CTNNA3: variants seen among roughly 807,000 people sequenced by gnomAD.
The protein encoded by CTNNA3 is catenin alpha-3.
In CTNNA3, 76 loss-of-function variants were observed where a neutral mutation model predicts 95.7. The observed-to-expected ratio is 0.79, with a 90% CI of 0.66 to 0.96. The LOEUF (loss-of-function observed/expected upper bound fraction) is 0.96. Ranked by LOEUF, CTNNA3 falls within the 40% of genes least tolerant of loss-of-function variation. The probability of loss-of-function intolerance (pLI) is 0.00; values close to 1 mark genes in which losing one functional copy is unlikely to be tolerated. For synonymous variants in CTNNA3, 431 were observed against 374.4 expected (o/e 1.15, Z -1.74); for missense variants, 1,191 against 1,089.8 (o/e 1.09, Z -1.31).
In CTNNA3 at chr10:66,275,083, A is replaced by G. The variant is rs182393477; in HGVS notation, c.1884+5387T>C. Among the ~76,000 whole-genome samples, 272 of 151,916 alleles carry G rather than the reference A, an allele frequency of 1.8e-3. 2 individuals carry two copies. Among genetic ancestry groups the G allele is most frequent in the African/African-American group, 6.4e-3 (266 of 41,422 alleles). ...ATTTTGAGTTTCATTGTATCATTGTATTTCTCTATTGTCCATGTCTTATTT... is the reference window on the plus strand; with the variant it reads ...ATTTTGAGTTTCATTGTATCATTGTGTTTCTCTATTGTCCATGTCTTATTT... On this transcript the variant is annotated intron_variant, in intron 13 of 17. Coordinates refer to ENST00000433211, the MANE Select transcript of CTNNA3 (RefSeq NM_013266.4).
intron 5 of CTNNA3, among the ~76,000 whole-genome samples, chr10:67,375,427 G>A (rs962186600): frequency 6.6e-6 from 1 of 152,070 alleles, no homozygotes; most frequent in African/African-American, 2.4e-5. Context: ...CCAACATGGC[G>A]AAACCCTGTC....
chr10:66,126,537 C>A (rs1277137743), intron 13 of CTNNA3, among the ~76,000 whole-genome samples: 4 of 152,096 alleles, frequency 2.6e-5, no homozygotes, highest in Non-Finnish European at 5.9e-5. Context: ...TTTCTGATAC[C>A]ATTCACCAAT....
chr10:66,199,778 TATATATATATATATATATATATATA>T (rs1375734184), intron 13 of CTNNA3, among the ~76,000 whole-genome samples: 19 of 8,878 alleles, frequency 2.1e-3, no homozygotes, highest in African/African-American at 4.1e-3. Context: ...TATATATATA[TATATATATATATATATATATATATA>T]TATTTTTTTT....
At chr10:67,179,856 A>C (rs534597837) in intron 7 of CTNNA3, among the ~76,000 whole-genome samples, 1 of 152,172 alleles carries the variant, frequency 6.6e-6, no homozygotes, top group South Asian at 2.1e-4. Flanking sequence ...ACAAAAAAAC[A>C]TAACAACCTG....
intron 7 of CTNNA3, among the ~76,000 whole-genome samples, chr10:67,075,530 G>A (rs974868187): frequency 1.3e-5 from 2 of 152,252 alleles, no homozygotes; most frequent in African/African-American, 4.8e-5. Flanking sequence ...CCAACGTCAC[G>A]AGACTACATA....
At chr10:67,269,626 A>C (rs1355656196) in intron 5 of CTNNA3, among the ~76,000 whole-genome samples, 2 of 152,300 alleles carry the variant, frequency 1.3e-5, no homozygotes, top group East Asian at 3.9e-4. Flanking sequence ...AATTTCCCTT[A>C]CTTATTTCCA....
At chr10:67,234,846 A>G (rs980909458) in intron 5 of CTNNA3, among the ~76,000 whole-genome samples, 3 of 150,560 alleles carry the variant, frequency 2.0e-5, no homozygotes, top group Non-Finnish European at 4.4e-5. Flanking sequence ...TACAAAAATC[A>G]CAAGCATTCT....
At chr10:65,964,725 C>A (rs919960208) in intron 17 of CTNNA3, among the ~76,000 whole-genome samples, 2 of 151,934 alleles carry the variant, frequency 1.3e-5, no homozygotes, top group Non-Finnish European at 2.9e-5. Context: ...GTGAAAATGA[C>A]AAAAGTAAAT....
chr10:66,160,810 C>G (rs900446263), intron 13 of CTNNA3, among the ~76,000 whole-genome samples: 1 of 152,094 alleles, frequency 6.6e-6, no homozygotes, highest in Non-Finnish European at 1.5e-5. Context: ...TGTGTTCTGT[C>G]TATCTCATTT....
At chr10:67,511,875 C>T (rs1305090964) in intron 5 of CTNNA3, among the ~76,000 whole-genome samples, 1 of 152,072 alleles carries the variant, frequency 6.6e-6, no homozygotes, top group Non-Finnish European at 1.5e-5. Context: ...ATTTCAGAGC[C>T]TGATATTGGT....
chr10:66,178,456 T>C (rs1009266037), intron 13 of CTNNA3, among the ~76,000 whole-genome samples: 7 of 100,146 alleles, frequency 7.0e-5, no homozygotes, highest in East Asian at 2.9e-4. Context: ...CACACAGATA[T>C]AGAAAGAGAG....
chr10:67,731,885 T>A (rs1481559627), intron 1 of CTNNA3, among the ~76,000 whole-genome samples: 2 of 152,082 alleles, frequency 1.3e-5, no homozygotes, highest in Admixed American at 6.6e-5. Context: ...GTTTTCTTTT[T>A]TAGTAGCTGG....
intron 7 of CTNNA3, among the ~76,000 whole-genome samples, chr10:67,172,358 G>A (rs1311985511): frequency 1.3e-5 from 2 of 152,166 alleles, no homozygotes; most frequent in East Asian, 3.8e-4. Flanking sequence ...TCTTAGCACA[G>A]TGTTTATAGA....
At chr10:66,076,688 T>G (rs2080568560) in intron 14 of CTNNA3, among the ~76,000 whole-genome samples, 1 of 151,712 alleles carries the variant, frequency 6.6e-6, no homozygotes, top group Admixed American at 6.6e-5. Context: ...CAGAGTAAAT[T>G]ATCAGGTATA....
intron 15 of CTNNA3, among the ~76,000 whole-genome samples, chr10:66,021,776 T>C (rs531079013): frequency 6.6e-6 from 1 of 151,380 alleles, no homozygotes; most frequent in African/African-American, 2.4e-5. Context: ...TATTTTTAGC[T>C]TGATTGAATG....
intron 15 of CTNNA3, among the ~76,000 whole-genome samples, chr10:65,994,074 T>G (rs1160221352): frequency 7.2e-5 from 11 of 152,196 alleles, no homozygotes; most frequent in Non-Finnish European, 1.5e-5. Context: ...TCAAAGTTAT[T>G]ATTTATGTGT....
intron 12 of CTNNA3, among the ~76,000 whole-genome samples, chr10:66,346,236 T>TAG (rs2092514483): frequency 2.4e-4 from 6 of 24,972 alleles, no homozygotes; most frequent in African/African-American, 1.2e-3. Context: ...TATATATATA[T>TAG]ATATATATAT....
Position 66,379,254 on chromosome 10 carries a change from C to T in CTNNA3, c.1630G>A (p.Ala544Thr), listed in dbSNP as rs376250417. The change falls in exon 12 of 18, where the codon GCA becomes ACA. Residue 544 changes from alanine (A) to threonine (T), a missense_variant. By Grantham distance (58) the Ala-to-Thr change is moderately conservative. Transcript: ENST00000433211. ...GTGACGATGTGAGCAACTCTTGCTGCCCGGCCTCTGATAGCACCCGCAGCA... is the reference window on the plus strand; with the variant it reads ...GTGACGATGTGAGCAACTCTTGCTGTCCGGCCTCTGATAGCACCCGCAGCA... The part of the protein sequence containing the change: ...DRAAGAIRGR[A>T]ARVAHIVTGE... The T allele has an allele frequency of 3.1e-6, 5 of 1,613,996 alleles. No individual in the cohort carries two copies. In the Admixed American group the frequency reaches 8.3e-5, roughly 27 times the overall value.
At chr10:66,934,962 A>T (rs1354973551) in intron 7 of CTNNA3, among the ~76,000 whole-genome samples, 2 of 152,106 alleles carry the variant, frequency 1.3e-5, no homozygotes, top group Non-Finnish European at 2.9e-5. Context: ...AGCAGAATGA[A>T]AATGTCATCA....
Sources: gnomAD v4.1 joint callset for allele counts (sites outside exome capture counted in the v4.1 genomes callset) on GRCh38, gnomAD v4.1.1 for gene constraint, MANE v1.5 for transcripts, NCBI Gene and HGNC (gene_info 2026-07-23, HGNC 2026-07-21) for gene names.